Variants in XDH observed in about 807,000 individuals in gnomAD.
The protein encoded by XDH is xanthine dehydrogenase/oxidase.
In XDH, 138 loss-of-function variants were observed where a neutral mutation model predicts 156.1. The ratio of observed to expected loss-of-function variants is 0.88; its 90% CI spans 0.77 to 1.02. The LOEUF (loss-of-function observed/expected upper bound fraction) is 1.02, where lower values mean the gene tolerates loss of function less well. Among genes scored for constraint, XDH ranks in the 50% least tolerant of loss-of-function variants. The probability of loss-of-function intolerance (pLI) is 0.00; values close to 1 mark genes in which losing one functional copy is unlikely to be tolerated. For synonymous variants in XDH, 669 were observed against 625.7 expected (o/e 1.07, Z -1.03); for missense variants, 1,849 against 1,684.9 (o/e 1.10, Z -1.71).
chr2:31,349,215 C>A (rs540305684), intron 26 of XDH, among the ~76,000 whole-genome samples: 1 of 152,292 alleles, frequency 6.6e-6, no homozygotes, highest in South Asian at 2.1e-4. Flanking sequence ...CCAGGAGGCA[C>A]TGTGCCTCAC....
chr2:31,393,324 C>T (rs752561602), intron 6 of XDH, among the ~76,000 whole-genome samples: 2 of 152,194 alleles, frequency 1.3e-5, no homozygotes, highest in Non-Finnish European at 2.9e-5. Flanking sequence ...GTTAGGTGCA[C>T]ACACATTAAG....
chr2:31,347,707 C>T (rs1685339452), intron 28 of XDH, 57 bp from the exon 29 acceptor site: 2 of 1,589,576 alleles, frequency 1.3e-6, no homozygotes, highest in Non-Finnish European at 1.7e-6. Flanking sequence ...GGCTTGGCTG[C>T]CTTCTCCCCA....
At chr2:31,343,307 T>TGC (rs1558675227) in intron 31 of XDH, among the ~76,000 whole-genome samples, 19 of 124,154 alleles carry the variant, frequency 1.5e-4, no homozygotes, top group Middle Eastern at 9.3e-3. Flanking sequence ...TATATATATA[T>TGC]ATATATATAT....
At chr2:31,366,723 AAG>A (rs1685923778) in intron 21 of XDH, 145 bp downstream of exon 21, 3 of 1,282,218 alleles carry the variant, frequency 2.3e-6, no homozygotes, top group Non-Finnish European at 3.3e-6. Context: ...TTGTTGGTGA[AAG>A]AGTCTGGCTC....
intron 6 of XDH, among the ~76,000 whole-genome samples, chr2:31,389,870 G>A (rs1177562514): frequency 6.6e-6 from 1 of 151,610 alleles, no homozygotes; most frequent in Non-Finnish European, 1.5e-5. Context: ...TTTTTAGAGT[G>A]GTTTAAGGTT....
At chr2:31,364,043 T>G in intron 24 of XDH, 115 bp downstream of exon 24, 1 of 898,012 alleles carries the variant, frequency 1.1e-6, no homozygotes, top group Non-Finnish European at 1.8e-6. Flanking sequence ...TGGGGACCCA[T>G]TAGGAGACTA....
intron 31 of XDH, 27 bp downstream of exon 31, chr2:31,344,657 G>A (rs780479146): frequency 6.2e-7 from 1 of 1,613,934 alleles, no homozygotes; most frequent in East Asian, 2.2e-5. Context: ...CACACTATGA[G>A]CTGGGCAAGG....
chr2:31,401,488 A>T (rs1687060288), intron 3 of XDH, among the ~76,000 whole-genome samples, 160 bp from the exon 4 acceptor site: 1 of 152,158 alleles, frequency 6.6e-6, no homozygotes, highest in Non-Finnish European at 1.5e-5. Flanking sequence ...CTCTCCACTG[A>T]AGACTCTGGG....
chr2:31,383,910 CA>C (rs779752212), intron 9 of XDH, 63 bp from the exon 10 acceptor site: 1 of 1,405,480 alleles, frequency 7.1e-7, no homozygotes. Flanking sequence ...CAGGCCTTAG[CA>C]GCTTTTCTCA....
At chr2:31,351,336 T>TA (rs1213794969) in intron 24 of XDH, among the ~76,000 whole-genome samples, 1 of 152,206 alleles carries the variant, frequency 6.6e-6, no homozygotes, top group African/African-American at 2.4e-5. Flanking sequence ...TAAGCCAACT[T>TA]AAAGTTTTCC....
Position 31,398,700 on chromosome 2 carries a change from CT to C in XDH, c.307-2del. 6.2e-7 allele frequency: 1 copy of C among 1,613,612 alleles called. No individual in the cohort carries two copies. The stretch of plus-strand genomic sequence containing the variant: ...AGCCGTGGCTTTTGGCAATTCTCTC[CT>C]AAAAGATACAGATGACATAGACACC... On this transcript the variant is annotated splice_acceptor_variant, in intron 4 of 35. Transcript: ENST00000379416. LOFTEE classifies it high-confidence loss of function.
At chr2:31,353,460 CACA>C (rs1427172115) in intron 24 of XDH, among the ~76,000 whole-genome samples, 1 of 152,020 alleles carries the variant, frequency 6.6e-6, no homozygotes, top group East Asian at 1.9e-4. Flanking sequence ...TAAAATCAAC[CACA>C]ACAACAATGT....
chr2:31,379,999 G>T (rs767600989), intron 12 of XDH, 23 bp from the exon 13 acceptor site: 1 of 1,611,554 alleles, frequency 6.2e-7, no homozygotes, highest in Admixed American at 1.7e-5. Flanking sequence ...AAGATGAAGA[G>T]GAGCCAAAGT....
At chr2:31,395,136 C>G (rs7582523) in intron 6 of XDH, among the ~76,000 whole-genome samples, 8,147 of 152,220 alleles carry the variant, frequency 0.054, 282 homozygotes, top group South Asian at 0.098. Context: ...GAAAAGACCT[C>G]ATATAAATAG....
At chr2:31,406,861 A>G (rs1383528707) in intron 1 of XDH, among the ~76,000 whole-genome samples, 1 of 152,248 alleles carries the variant, frequency 6.6e-6, no homozygotes, top group East Asian at 1.9e-4. Flanking sequence ...TGTGATGCGT[A>G]TTAGTCAACA....
rs1049818629 is a variant in XDH at position 31,397,518 on chromosome 2, G to A, written c.495+150C>T. 4.6e-5 allele frequency: 45 copies of A among 970,014 alleles called. No individual in the cohort carries two copies. In the Admixed American group the frequency reaches 5.1e-4, roughly 11 times the overall value. 60.1% of individuals were successfully genotyped at this position (970,014 alleles called of 1,614,324 possible). A position where few individuals can be genotyped will look rare whatever the true frequency, so the allele number is the denominator to read the frequency against. ...AAGAATGGCAGACTCTACTCCCCAT[G>A]CCAGATGTCCCCAGAGGGAAGACTC... On this transcript the variant is annotated intron_variant, in intron 6 of 35. Transcript: ENST00000379416.
chr2:31,398,313 A>G (rs781266672), intron 5 of XDH, among the ~76,000 whole-genome samples: 1 of 152,136 alleles, frequency 6.6e-6, no homozygotes, highest in African/African-American at 2.4e-5. Flanking sequence ...CCCCACTCCA[A>G]TACTGGTGGA....
intron 24 of XDH, among the ~76,000 whole-genome samples, chr2:31,362,479 T>C (rs565208833): frequency 1.3e-5 from 2 of 152,304 alleles, no homozygotes; most frequent in East Asian, 1.9e-4. Flanking sequence ...TAAAACTAAA[T>C]TGGTATTTTA....
At chr2:31,413,016 C>T (rs1373648699) in intron 1 of XDH, among the ~76,000 whole-genome samples, 1 of 152,126 alleles carries the variant, frequency 6.6e-6, no homozygotes, top group Non-Finnish European at 1.5e-5. Context: ...ATAATTTTCC[C>T]CAAGCCAGAT....
Sources: allele counts gnomAD v4.1 joint callset (sites outside exome capture counted in the v4.1 genomes callset), GRCh38; gene constraint gnomAD v4.1.1; transcripts MANE v1.5; gene names NCBI Gene and HGNC (gene_info 2026-07-23, HGNC 2026-07-21).